Variants in CADM2 observed in about 807,000 individuals in gnomAD.
CADM2 encodes the protein immunoglobulin superfamily member 4D.
A neutral mutation model predicts 49.8 loss-of-function variants in CADM2; 12 were observed. The observed-to-expected ratio is 0.24, with a 90% CI of 0.15 to 0.39. CADM2 has a LOEUF of 0.39. Ranked by LOEUF, CADM2 falls within the 10% of genes least tolerant of loss-of-function variation. The pLI is 1.00. For synonymous variants in CADM2, 214 were observed against 175.4 expected (o/e 1.22, Z -1.74); for missense variants, 378 against 492.3 (o/e 0.77, Z 2.20).
intron 8 of CADM2, among the ~76,000 whole-genome samples, chr3:86,031,191 T>G (rs1003214471): frequency 3.3e-5 from 5 of 151,850 alleles, no homozygotes; most frequent in African/African-American, 1.2e-4. Flanking sequence ...GAGGCATTCA[T>G]GCACTTGCCA....
At chr3:86,063,897 A>G (rs1382380052) in intron 8 of CADM2, among the ~76,000 whole-genome samples, 1 of 152,066 alleles carries the variant, frequency 6.6e-6, no homozygotes, top group African/African-American at 2.4e-5. Flanking sequence ...AGTACACTCA[A>G]TCTGATCTTT....
intron 1 of CADM2, among the ~76,000 whole-genome samples, chr3:85,171,962 G>T (rs953879664): frequency 6.6e-6 from 1 of 152,016 alleles, no homozygotes; most frequent in Non-Finnish European, 1.5e-5. Context: ...CAGCTGATAT[G>T]GCATAATAAA....
At chr3:85,433,678 T>A (rs2036793236) in intron 1 of CADM2, among the ~76,000 whole-genome samples, 1 of 152,112 alleles carries the variant, frequency 6.6e-6, no homozygotes, top group South Asian at 2.1e-4. Context: ...ACCCTGAGAA[T>A]GGAATTGTTT....
chr3:85,585,216 G>T (rs1221035986), intron 1 of CADM2, among the ~76,000 whole-genome samples: 11 of 151,834 alleles, frequency 7.2e-5, no homozygotes, highest in African/African-American at 2.7e-4. Context: ...CTTGTTATCA[G>T]ATCAACTGTG....
Position 85,619,460 on chromosome 3 carries a change from C to T in CADM2, c.62-107062C>T, listed in dbSNP as rs144066776. On this transcript the variant is annotated intron_variant, in intron 1 of 9. Coordinates refer to ENST00000383699, the MANE Select transcript of CADM2 (RefSeq NM_001167675.2). ...ATCCTCATTTTTCCAGTATTCTTGC[C>T]CTTTCACTCAAAATATCCTCTGGTC... Among the ~76,000 whole-genome samples, 81 of 152,076 alleles carry T rather than the reference C, an allele frequency of 5.3e-4. No homozygotes were observed. The East Asian group carries it at 0.015, about 29-fold the overall frequency.
intron 1 of CADM2, among the ~76,000 whole-genome samples, chr3:85,548,443 T>A (rs1367270603): frequency 6.6e-6 from 1 of 151,754 alleles, no homozygotes; most frequent in African/African-American, 2.4e-5. Flanking sequence ...GAAGGAGAAA[T>A]TTGCAGTAGT....
At chr3:85,348,648 A>G (rs1002893222) in intron 1 of CADM2, among the ~76,000 whole-genome samples, 1 of 152,202 alleles carries the variant, frequency 6.6e-6, no homozygotes, top group African/African-American at 2.4e-5. Context: ...CTGGTCAAGC[A>G]TATCATCTAA....
chr3:85,206,573 C>T (rs1175758175), intron 1 of CADM2, among the ~76,000 whole-genome samples: 2 of 152,082 alleles, frequency 1.3e-5, no homozygotes, highest in Admixed American at 1.3e-4. Context: ...TCCCAAAGTG[C>T]TGGGATTACA....
intron 2 of CADM2, among the ~76,000 whole-genome samples, chr3:85,791,466 G>T (rs1434043392): frequency 6.8e-6 from 1 of 146,876 alleles, no homozygotes; most frequent in Non-Finnish European, 1.5e-5. Flanking sequence ...CAGGTTCTTT[G>T]TATAAATACC....
intron 1 of CADM2, among the ~76,000 whole-genome samples, chr3:85,042,316 G>A (rs1231632091): frequency 6.6e-6 from 1 of 152,096 alleles, no homozygotes; most frequent in Non-Finnish European, 1.5e-5. Flanking sequence ...CAGAATTGTT[G>A]GTTTCAACGT....
At chr3:85,436,502 G>A (rs1451156058) in intron 1 of CADM2, among the ~76,000 whole-genome samples, 1 of 151,988 alleles carries the variant, frequency 6.6e-6, no homozygotes, top group Admixed American at 6.6e-5. Flanking sequence ...TTTTCAAAGG[G>A]AACACTTCCA....
intron 1 of CADM2, among the ~76,000 whole-genome samples, chr3:85,225,250 G>C (rs538301900): frequency 1.3e-5 from 2 of 151,958 alleles, no homozygotes; most frequent in Non-Finnish European, 2.9e-5. Context: ...ATGTTCTTCC[G>C]TTTGTATGTC....
At chr3:84,979,697 A>G (rs2032049026) in intron 1 of CADM2, among the ~76,000 whole-genome samples, 1 of 152,094 alleles carries the variant, frequency 6.6e-6, no homozygotes, top group African/African-American at 2.4e-5. Flanking sequence ...TAGAGACTAA[A>G]AAAAAAAGGT....
At chr3:85,690,181 C>T (rs997370951) in intron 1 of CADM2, among the ~76,000 whole-genome samples, 1 of 152,104 alleles carries the variant, frequency 6.6e-6, no homozygotes, top group East Asian at 1.9e-4. Flanking sequence ...GACTCTATCT[C>T]TAGAGAAGAC....
In CADM2 at chr3:85,002,215, T is replaced by A. The variant is rs116361981; in HGVS notation, c.61+42547T>A. Among the ~76,000 whole-genome samples the A allele has an allele frequency of 6.1e-3, 928 of 152,226 alleles. 14 individuals carry two copies. Among genetic ancestry groups the A allele is most frequent in the African/African-American group, 0.021 (889 of 41,552 alleles). On this transcript the variant is annotated intron_variant, in intron 1 of 9. Transcript: ENST00000383699. ...GTTTCTGGCCATGTTCTTTGCTCCC[T>A]TTTCCTCTGTTTATGCTATATGGTT...
chr3:85,412,946 C>T (rs1398437622), intron 1 of CADM2, among the ~76,000 whole-genome samples: 1 of 151,314 alleles, frequency 6.6e-6, no homozygotes, highest in African/African-American at 2.4e-5. Flanking sequence ...TCTAGACCAT[C>T]CTGGCTAACA....
At chr3:85,382,158 A>G (rs1177062107) in intron 1 of CADM2, among the ~76,000 whole-genome samples, 2 of 152,288 alleles carry the variant, frequency 1.3e-5, no homozygotes, top group Admixed American at 6.5e-5. Context: ...CAAAAATAAA[A>G]TGAGCTAAAA....
At chr3:86,015,553 TGTTA>T (rs1732117075) in intron 8 of CADM2, among the ~76,000 whole-genome samples, 1 of 152,208 alleles carries the variant, frequency 6.6e-6, no homozygotes, top group South Asian at 2.1e-4. Context: ...GTTTTAAGTA[TGTTA>T]AAAATCTCTC....
chr3:85,565,165 T>C (rs2062218963), intron 1 of CADM2, among the ~76,000 whole-genome samples: 1 of 152,110 alleles, frequency 6.6e-6, no homozygotes, highest in African/African-American at 2.4e-5. Context: ...TGTTTATAAC[T>C]GCTCATAGAC....
Sources: gnomAD v4.1 joint callset for allele counts (sites outside exome capture counted in the v4.1 genomes callset) on GRCh38, gnomAD v4.1.1 for gene constraint, MANE v1.5 for transcripts, NCBI Gene and HGNC (gene_info 2026-07-23, HGNC 2026-07-21) for gene names.